The following NPHP4 variants were observed in gnomAD, a reference collection of about 807,000 sequenced individuals.
NPHP4 encodes nephrocystin-4.
NPHP4 carries 151 observed loss-of-function variants against 155.8 expected under a neutral mutation model. That is an observed-to-expected ratio of 0.97 (90% confidence interval 0.85 to 1.11). The LOEUF (loss-of-function observed/expected upper bound fraction) is 1.11. Ranked by LOEUF, NPHP4 falls within the 50% of genes least tolerant of loss-of-function variation. The pLI, the probability that NPHP4 is intolerant of heterozygous loss-of-function variation, is 0.00. For synonymous variants in NPHP4, 845 were observed against 816.8 expected (o/e 1.03, Z -0.59); for missense variants, 1,956 against 1,925.7 (o/e 1.02, Z -0.29).
intron 12 of NPHP4, among the ~76,000 whole-genome samples, chr1:5,908,501 T>C (rs551108137): frequency 2.0e-3 from 301 of 152,224 alleles, no homozygotes; most frequent in African/African-American, 6.5e-3. Flanking sequence ...GCAAATCACA[T>C]AGCTAAGGCC....
At position 5,879,259 on chromosome 1, in the gene NPHP4, A is replaced by G. The variant is rs1323558345; in HGVS notation, c.2611+855T>C. ...TGTGAATTCACACAGATGATCTGCA[A>G]CCTCTGGGGAAAATGCTCCTTAAAG... is the stretch of plus-strand genomic sequence containing the variant. On this transcript the variant is annotated intron_variant, in intron 19 of 29. Transcript: ENST00000378156. 1.4e-5 allele frequency: 4 copies of G among 277,556 alleles called. No individual in the cohort carries two copies. The East Asian group carries it at 2.9e-4, about 20-fold the overall frequency. 17.2% of individuals were successfully genotyped at this position (277,556 alleles called of 1,614,324 possible).
At position 5,961,810 on chromosome 1, in the gene NPHP4, T is replaced by C. The variant is rs2102140258; in HGVS notation, c.657A>G (p.Pro219=). ...CGCCCTTACCGGATTCTCCATGAGC[T>C]GGAAGCAGGCCAGGTATCTGCTGCA... The part of the protein sequence containing the change: ...SGLQQIPGLL[P]AHGESGDALR... The change falls in exon 6 of 30, where the codon CCA becomes CCG. Residue 219 remains proline, a synonymous_variant. Coordinates refer to ENST00000378156, the MANE Select transcript of NPHP4 (RefSeq NM_015102.5). 1 of 1,612,860 alleles carries C rather than the reference T, an allele frequency of 6.2e-7. No individual in the cohort carries two copies. Among genetic ancestry groups the C allele is most frequent in the Admixed American group, 1.7e-5 (1 of 59,834 alleles).
chr1:5,865,717 T>C (rs1641152104), intron 26 of NPHP4: 1 of 166,890 alleles, frequency 6.0e-6, no homozygotes, highest in South Asian at 1.7e-4. Context: ...GTTAGCATTT[T>C]AGGGCCAAGA....
At position 5,961,512 on chromosome 1, in the gene NPHP4, T is replaced by C. The variant is rs369150148; in HGVS notation, c.673+282A>G. ...CAGCCAGTGGTCTTCCTAGCTATGG[T>C]CACAGAGACTTGAACTCTGTCTCTC... On this transcript the variant is annotated intron_variant, in intron 6 of 29. Transcript: ENST00000378156. 1.1e-4 allele frequency among the ~76,000 whole-genome samples: 17 copies of C among 152,314 alleles called. 1 individual carries two copies. The South Asian group carries it at 3.3e-3, about 30-fold the overall frequency.
chr1:5,961,645 C>T lies in NPHP4; in HGVS notation c.673+149G>A, dbSNP rs77068912. Reference sequence around the variant, plus strand: ...CTGCCATTCCATCCTCCTCCACTGTCCCCCACAACCCCCGCCAGGCCGTGC... The same window carrying T: ...CTGCCATTCCATCCTCCTCCACTGTTCCCCACAACCCCCGCCAGGCCGTGC... On this transcript the variant is annotated intron_variant, in intron 6 of 29. Transcript: ENST00000378156. 2.1e-4 allele frequency: 141 copies of T among 665,514 alleles called. No homozygotes were observed. The East Asian group carries it at 2.4e-3, about 11-fold the overall frequency. 41.2% of individuals were successfully genotyped at this position (665,514 alleles called of 1,614,324 possible).
At chr1:5,879,600 C>T (rs1274315397) in intron 19 of NPHP4, 1 of 519,084 alleles carries the variant, frequency 1.9e-6, no homozygotes, top group Non-Finnish European at 3.8e-6. Context: ...GTTCCCACTT[C>T]TCCAAACAGC....
intron 29 of NPHP4, 54 bp downstream of exon 29, chr1:5,863,836 C>A: frequency 6.3e-7 from 1 of 1,590,000 alleles, no homozygotes; most frequent in Non-Finnish European, 8.6e-7. Flanking sequence ...TAACTGCCCT[C>A]CATTCAGGTC....
At chr1:5,869,233 GCACA>G (rs71571877) in intron 23 of NPHP4, among the ~76,000 whole-genome samples, 4,588 of 92,746 alleles carry the variant, frequency 0.049, 220 homozygotes, top group African/African-American at 0.13. Context: ...CCACCCACAT[GCACA>G]CACACACACA....
chr1:5,960,814 C>T (rs941873874), intron 6 of NPHP4, among the ~76,000 whole-genome samples: 66 of 152,074 alleles, frequency 4.3e-4, no homozygotes, highest in Non-Finnish European at 1.5e-4. Context: ...CCAATTCCAC[C>T]ACCAGAGAAT....
chr1:5,863,190 G>A lies in NPHP4; in HGVS notation c.*75C>T. 6.6e-7 allele frequency: 1 copy of A among 1,508,892 alleles called. No individual in the cohort carries two copies. The highest frequency in any genetic ancestry group is 1.1e-5 in the South Asian group (1 of 87,386). The allele number at this position is 1,508,892 out of a possible 1,614,324, so 93.5% of individuals were successfully genotyped here. The stretch of plus-strand genomic sequence containing the variant: ...GTGAAAGGCTGCAGAGAGGCGGGGA[G>A]GACAGCCTGCAGGGCAGGAGGGGCA... On this transcript the variant is annotated 3_prime_UTR_variant, in exon 30 of 30. Coordinates refer to ENST00000378156, the MANE Select transcript of NPHP4 (RefSeq NM_015102.5).
At chr1:5,945,890 A>G (rs1647062664) in intron 9 of NPHP4, among the ~76,000 whole-genome samples, 1 of 149,654 alleles carries the variant, frequency 6.7e-6, no homozygotes, top group Non-Finnish European at 1.5e-5. Context: ...CAGTGTGATT[A>G]GATCTGGCAT....
In NPHP4 at chr1:5,875,043, G is replaced by A. The variant is rs200570131; in HGVS notation, c.2875C>T (p.Arg959Trp). 31 of 1,608,800 alleles carry A rather than the reference G, an allele frequency of 1.9e-5. No homozygotes were observed. Among genetic ancestry groups the A allele is most frequent in the South Asian group, 3.3e-5 (3 of 91,058 alleles). ...ATGCTCTCGGCCTTCGTGCGTTCCC[G>A]GTAGGCGGCGATGACCTGTAGGTCC... ...LRDLQVIAAY[R>W]ERTKAESIAS... The change falls in exon 21 of 30, where the codon CGG becomes TGG. Residue 959 changes from arginine to tryptophan, a missense_variant. Arg to Trp is a moderately radical substitution (Grantham distance 101). Coordinates refer to ENST00000378156, the MANE Select transcript of NPHP4 (RefSeq NM_015102.5).
Position 5,890,156 on chromosome 1 carries a change from CAAGAA to C in NPHP4, c.2304+707_2304+711del, listed in dbSNP as rs1644047137. 6.6e-6 allele frequency among the ~76,000 whole-genome samples: 1 copy of C among 152,148 alleles called. No homozygotes were observed. Among genetic ancestry groups the C allele is most frequent in the Non-Finnish European group, 1.5e-5 (1 of 68,024 alleles). Reference sequence around the variant, plus strand: ...AGGAGGAAAGCAGCTATGCGGCACTCAAGAAAAGTGGGGAAATCTCAGAGACTCAG... The same window carrying C: ...AGGAGGAAAGCAGCTATGCGGCACTCAAGTGGGGAAATCTCAGAGACTCAG... On this transcript the variant is annotated intron_variant, in intron 17 of 29. Coordinates refer to ENST00000378156, the MANE Select transcript of NPHP4 (RefSeq NM_015102.5). This position sits in a 1 kb window ranked among gnomAD's most constrained non-coding sequence, Gnocchi z 4.9.
chr1:5,917,011 G>A (rs1028508218), intron 11 of NPHP4, among the ~76,000 whole-genome samples: 13 of 152,230 alleles, frequency 8.5e-5, no homozygotes, highest in African/African-American at 2.7e-4. Flanking sequence ...CAGCCAAAGC[G>A]GCAGTGGCAG....
chr1:5,871,975 T>G (rs1464567517), intron 23 of NPHP4, among the ~76,000 whole-genome samples: 1 of 151,994 alleles, frequency 6.6e-6, no homozygotes, highest in Non-Finnish European at 1.5e-5. Flanking sequence ...AACTCCAAAT[T>G]CATGTGAAGA....
intron 6 of NPHP4, among the ~76,000 whole-genome samples, chr1:5,954,258 C>T (rs949901782): frequency 1.3e-5 from 2 of 152,098 alleles, no homozygotes; most frequent in Non-Finnish European, 2.9e-5. Context: ...AACTATTATT[C>T]ATCCTGCTGA....
intron 6 of NPHP4, among the ~76,000 whole-genome samples, chr1:5,953,412 G>C (rs1007771469): frequency 6.6e-6 from 1 of 152,158 alleles, no homozygotes; most frequent in Non-Finnish European, 1.5e-5. Context: ...CCCAGGAACA[G>C]TTTTTATAAT....
chr1:5,972,060 G>A (rs529773471), intron 3 of NPHP4, among the ~76,000 whole-genome samples: 4 of 152,378 alleles, frequency 2.6e-5, no homozygotes, highest in African/African-American at 4.8e-5. Context: ...GGCCTCTGCC[G>A]ATGTGCCTGG....
intron 20 of NPHP4, 164 bp downstream of exon 20, chr1:5,876,929 A>T: frequency 2.2e-6 from 1 of 456,052 alleles, no homozygotes; most frequent in Non-Finnish European, 3.8e-6. Flanking sequence ...ATTCTCACTT[A>T]AAGATTTCCC....
Sources: allele counts gnomAD v4.1 joint callset (sites outside exome capture counted in the v4.1 genomes callset), GRCh38; gene constraint gnomAD v4.1.1; non-coding constraint Gnocchi (gnomAD v3.1); transcripts MANE v1.5; gene names NCBI Gene and HGNC (gene_info 2026-07-23, HGNC 2026-07-21).